USP5: variants seen among roughly 807,000 people sequenced by gnomAD.
USP5 encodes ubiquitin carboxyl-terminal hydrolase 5.
A neutral mutation model predicts 102.5 loss-of-function variants in USP5; 24 were observed. The observed-to-expected ratio is 0.23, with a 90% CI of 0.17 to 0.33. The LOEUF is 0.33. Ranked by LOEUF, USP5 falls within the 10% of genes least tolerant of loss-of-function variation. USP5 has a pLI of 1.00. For synonymous variants in USP5, 460 were observed against 434.8 expected (o/e 1.06, Z -0.72); for missense variants, 753 against 1,122.1 (o/e 0.67, Z 4.70).
rs191689746 is a variant in USP5, at chr12:6,860,045, C to G, written c.1131-106C>G. ...TTCCTGTAGAATCTAAGGTTTTTCA[C>G]GTTGTTGAGAGTTAGCTAGGGAGAG... is the stretch of plus-strand genomic sequence containing the variant. On this transcript the variant is annotated intron_variant, in intron 9 of 19. Transcript: ENST00000229268. The surrounding 1 kb of genome is among the most constrained non-coding windows in gnomAD (Gnocchi z 5.5). 8.2e-7 allele frequency: 1 copy of G among 1,226,596 alleles called. No individual in the cohort carries two copies. Among genetic ancestry groups the G allele is most frequent in the Non-Finnish European group, 1.2e-6 (1 of 856,802 alleles). The allele number at this position is 1,226,596 out of a possible 1,614,324, so 76.0% of individuals were successfully genotyped here.
Position 6,858,483 on chromosome 12 carries a change from G to A in USP5, c.924G>A (p.Glu308=). Residue 308 remains glutamate, a synonymous_variant, in exon 8 of 20, where the codon GAG becomes GAA. Transcript: ENST00000229268. This position sits in a 1 kb window ranked among gnomAD's most constrained non-coding sequence, Gnocchi z 4.2. ...TGAACCAGCGGATTGGTGAATGGGA[G>A]CTGATCCAGGAGTCAGGTGTGCCAC... The part of the protein sequence containing the change: ...IDMNQRIGEW[E]LIQESGVPLK... 6.2e-7 allele frequency: 1 copy of A among 1,613,340 alleles called. No individual in the cohort carries two copies. Among genetic ancestry groups the A allele is most frequent in the Non-Finnish European group, 8.5e-7 (1 of 1,179,294 alleles).
Position 6,861,428 on chromosome 12 carries a change from C to T in USP5, c.1499-15C>T. 1 of 1,553,894 alleles carries T rather than the reference C, an allele frequency of 6.4e-7. No homozygotes were observed. The highest frequency in any genetic ancestry group is 8.7e-7 in the Non-Finnish European group (1 of 1,143,518). ...AGCACCCTCCGAAGGATCCACCAACCCATTCTGTCACCAGAGGAGCTTCTG... is the reference window on the plus strand; with the variant it reads ...AGCACCCTCCGAAGGATCCACCAACTCATTCTGTCACCAGAGGAGCTTCTG... On this transcript the variant is annotated splice_polypyrimidine_tract_variant and intron_variant, in intron 12 of 19. Coordinates refer to ENST00000229268, the MANE Select transcript of USP5 (RefSeq NM_001098536.2). The surrounding 1 kb of genome is among the most constrained non-coding windows in gnomAD (Gnocchi z 4.9).
At position 6,855,805 on chromosome 12, in the gene USP5, C is replaced by T. The variant is rs1555128067; in HGVS notation, c.288C>T (p.Pro96=). Residue 96 remains proline (P), a synonymous_variant, in exon 3 of 20, where the codon CCC becomes CCT. Coordinates refer to ENST00000229268, the MANE Select transcript of USP5 (RefSeq NM_001098536.2). The surrounding 1 kb of genome is among the most constrained non-coding windows in gnomAD (Gnocchi z 4.6). The part of the protein sequence containing the change: ...TGTGDPPRKK[P]TRLAIGVEGG... ...CTGGAGACCCACCCCGGAAGAAGCC[C>T]ACGCGGCTGGCTATTGGTGAGCACC... The T allele has an allele frequency of 6.2e-7, 1 of 1,614,234 alleles. No homozygotes were observed. The highest frequency in any genetic ancestry group is 8.5e-7 in the Non-Finnish European group (1 of 1,180,032).
chr12:6,854,451 G>A (rs1944049245), intron 1 of USP5, among the ~76,000 whole-genome samples: 1 of 152,184 alleles, frequency 6.6e-6, no homozygotes, highest in Non-Finnish European at 1.5e-5. Flanking sequence ...CTGGTAGAAT[G>A]TGGTAAAAGA....
Position 6,857,667 on chromosome 12 carries a change from C to A in USP5, c.808C>A (p.Pro270Thr), listed in dbSNP as rs1051687346. The change falls in exon 7 of 20, where the codon CCC (proline) becomes ACC (threonine). Residue 270 changes from proline (P) to threonine (T), a missense_variant. This residue lies in a region of USP5 where 527 missense variants were observed against 816.5 expected (regional missense o/e 0.65). Transcript: ENST00000229268. ...SYDEDDMVLD[P>T]SLAEHLSHFG... ...TGATGAGGATGACATGGTCCTGGAC[C>A]CCAGCCTGGCTGAGCACCTGTCCCA... The A allele has an allele frequency of 3.7e-6, 6 of 1,613,826 alleles. No homozygotes were observed. In the Admixed American group the frequency reaches 1.0e-4, roughly 27 times the overall value.
Position 6,861,446 on chromosome 12 carries a change from A to G in USP5, c.1502A>G (p.Glu501Gly). ...CACCAACCCATTCTGTCACCAGAGG[A>G]GCTTCTGGAGTACGAGGAGAAGAAG... ...VPMDAALNKE[E>G]LLEYEEKKRQ... Residue 501 changes from glutamate to glycine, a missense_variant, in exon 13 of 20, where the codon GAG (glutamate) becomes GGG (glycine). Glu to Gly is a moderately conservative substitution (Grantham distance 98). Around this residue, in one of 3 missense-constraint regions of USP5, gnomAD observed 527 missense variants for 816.5 expected, o/e 0.65. Coordinates refer to ENST00000229268, the MANE Select transcript of USP5 (RefSeq NM_001098536.2). The surrounding 1 kb of genome is among the most constrained non-coding windows in gnomAD (Gnocchi z 4.9). 1 of 1,569,018 alleles carries G rather than the reference A, an allele frequency of 6.4e-7. No homozygotes were observed. The highest frequency in any genetic ancestry group is 8.7e-7 in the Non-Finnish European group (1 of 1,150,510).
chr12:6,861,508 C>A lies in USP5; in HGVS notation c.1564C>A (p.Leu522Met). 1 of 1,601,328 alleles carries A rather than the reference C, an allele frequency of 6.2e-7. No homozygotes were observed. Among genetic ancestry groups the A allele is most frequent in the Non-Finnish European group, 8.5e-7 (1 of 1,169,802 alleles). Residue 522 changes from leucine to methionine, a missense_variant, in exon 13 of 20, where the codon CTG becomes ATG. Physicochemically the swap from Leu to Met is conservative, Grantham distance 15. This residue lies in a region of USP5 where 527 missense variants were observed against 816.5 expected (regional missense o/e 0.65). Coordinates refer to ENST00000229268, the MANE Select transcript of USP5 (RefSeq NM_001098536.2). The surrounding 1 kb of genome is among the most constrained non-coding windows in gnomAD (Gnocchi z 4.9). ...AGAGGAGAAGATGGCACTGCCAGAACTGGTTCGGGCCCAGGTGCCCTTCAG... is the reference window on the plus strand; with the variant it reads ...AGAGGAGAAGATGGCACTGCCAGAAATGGTTCGGGCCCAGGTGCCCTTCAG... Reference protein sequence around the residue: ...AEEEKMALPELVRAQVPFSSC... With the variant: ...AEEEKMALPEMVRAQVPFSSC...
Position 6,864,172 on chromosome 12 carries a change from G to C in USP5, c.2221G>C (p.Ala741Pro). ...IVSMGFSRDQ[A>P]LKALRATNNS... Reference sequence around the variant, plus strand: ...CTCCATGGGCTTCTCCCGGGACCAGGCCTTGAAAGCGCTGCGGGCCACGGT... The same window carrying C: ...CTCCATGGGCTTCTCCCGGGACCAGCCCTTGAAAGCGCTGCGGGCCACGGT... Residue 741 changes from alanine to proline, a missense_variant, in exon 17 of 20, where the codon GCC becomes CCC. Coordinates refer to ENST00000229268, the MANE Select transcript of USP5 (RefSeq NM_001098536.2). The surrounding 1 kb of genome is among the most constrained non-coding windows in gnomAD (Gnocchi z 4.8). 1.2e-6 allele frequency: 2 copies of C among 1,611,908 alleles called. No individual in the cohort carries two copies. Among genetic ancestry groups the C allele is most frequent in the Non-Finnish European group, 1.7e-6 (2 of 1,178,804 alleles).
At chr12:6,859,621 C>A in intron 9 of USP5, 80 bp downstream of exon 9, 1 of 1,368,852 alleles carries the variant, frequency 7.3e-7, no homozygotes, top group Non-Finnish European at 1.0e-6. Flanking sequence ...GCCTGGGGGG[C>A]ACAGCACTTT....
Position 6,864,821 on chromosome 12 carries a change from G to A in USP5, c.2344G>A (p.Asp782Asn), listed in dbSNP as rs1176435678. The change falls in exon 18 of 20, where the codon GAC becomes AAC. Residue 782 changes from aspartate to asparagine, a missense_variant. Around this residue, in one of 3 missense-constraint regions of USP5, gnomAD observed 193 missense variants for 230.2 expected, o/e 0.84. Transcript: ENST00000229268. This position sits in a 1 kb window ranked among gnomAD's most constrained non-coding sequence, Gnocchi z 4.8. ...CATCTCAGAGGGCCGCTCAGCTGCC[G>A]ACTCCATCTCTGAGTCTGTGCCAGT... ...MDISEGRSAA[D>N]SISESVPVGP... is the part of the protein sequence containing the mutation. 5 of 1,613,930 alleles carry A rather than the reference G, an allele frequency of 3.1e-6. No homozygotes were observed. Among genetic ancestry groups the A allele is most frequent in the East Asian group, 4.5e-5 (2 of 44,882 alleles).
rs1012320625 is a variant in USP5, at chr12:6,856,598, G to T, written c.585-109G>T. 6 of 1,536,974 alleles carry T rather than the reference G, an allele frequency of 3.9e-6. No homozygotes were observed. Among genetic ancestry groups the T allele is most frequent in the Non-Finnish European group, 4.4e-6 (5 of 1,145,706 alleles). On this transcript the variant is annotated intron_variant, in intron 5 of 19. Transcript: ENST00000229268. The surrounding 1 kb of genome is among the most constrained non-coding windows in gnomAD (Gnocchi z 5.6). Reference sequence around the variant, plus strand: ...ACACGACATGGGGATGGCCAGAGGAGAAGAGAGAGAGACCTTGGATTGGCG... The same window carrying T: ...ACACGACATGGGGATGGCCAGAGGATAAGAGAGAGAGACCTTGGATTGGCG...
intron 1 of USP5, among the ~76,000 whole-genome samples, chr12:6,854,089 C>T (rs1386840092): frequency 6.6e-6 from 1 of 152,196 alleles, no homozygotes; most frequent in African/African-American, 2.4e-5. Context: ...ACTTGGTCAG[C>T]TTTGGGGGAA....
intron 9 of USP5, 47 bp downstream of exon 9, chr12:6,859,588 G>T (rs782417790): frequency 6.3e-7 from 1 of 1,585,340 alleles, no homozygotes; most frequent in Admixed American, 1.7e-5. Flanking sequence ...AGTCATGGCC[G>T]TATACCTTCC....
chr12:6,857,520 T>C (rs1324345109), intron 6 of USP5, 109 bp from the exon 7 acceptor site: 2 of 882,348 alleles, frequency 2.3e-6, no homozygotes, highest in Non-Finnish European at 3.6e-6. Flanking sequence ...GGGTGGACCT[T>C]ACTGGCTCTC....
At position 6,861,218 on chromosome 12, in the gene USP5, A is replaced by T. The variant is rs1944267579; in HGVS notation, c.1498+112A>T. ...AGGGAATGCCCTGCTTCACCAGCCA[A>T]GGTTCCAGTCTGGGCCACCAGGAGT... On this transcript the variant is annotated intron_variant, in intron 12 of 19. Coordinates refer to ENST00000229268, the MANE Select transcript of USP5 (RefSeq NM_001098536.2). The surrounding 1 kb of genome is among the most constrained non-coding windows in gnomAD (Gnocchi z 4.9). 1 of 1,525,644 alleles carries T rather than the reference A, an allele frequency of 6.6e-7. No homozygotes were observed. The highest frequency in any genetic ancestry group is 1.2e-5 in the South Asian group (1 of 81,358). 94.5% of individuals were successfully genotyped at this position (1,525,644 alleles called of 1,614,324 possible).
chr12:6,862,893 T>G (rs1202280019), intron 14 of USP5, among the ~76,000 whole-genome samples: 2 of 152,250 alleles, frequency 1.3e-5, no homozygotes, highest in African/African-American at 4.8e-5. Context: ...ACCTTCATTT[T>G]CTAGATAAGG....
chr12:6,852,879 C>T (rs1163005766), intron 1 of USP5, among the ~76,000 whole-genome samples: 2 of 152,180 alleles, frequency 1.3e-5, no homozygotes, highest in Non-Finnish European at 2.9e-5. Context: ...GTCGTTTCTC[C>T]TTTGAAGTGA....
Position 6,865,165 on chromosome 12 carries a change from G to C in USP5, c.2400G>C (p.Lys800Asn). The C allele has an allele frequency of 4.3e-6, 7 of 1,612,792 alleles. No individual in the cohort carries two copies. Among genetic ancestry groups the C allele is most frequent in the Non-Finnish European group, 5.9e-6 (7 of 1,178,850 alleles). ...VGPKVRDGPG[K>N]YQLFAFISHM... ...CTGACCCCCTCTCTCCTTTCCTAGA[G>C]TATCAGCTCTTTGCCTTCATTAGTC... The change falls in exon 19 of 20, where the codon AAG (lysine) becomes AAC (asparagine). Residue 800 changes from lysine (K) to asparagine (N), a missense_variant and splice_region_variant. Lys to Asn is a moderately conservative substitution (Grantham distance 94, BLOSUM62 0). This residue lies in a region of USP5 where 33 missense variants were observed against 75.3 expected (regional missense o/e 0.44). Coordinates refer to ENST00000229268, the MANE Select transcript of USP5 (RefSeq NM_001098536.2).
Position 6,858,758 on chromosome 12 carries a change from C to T in USP5, c.1058+141C>T, listed in dbSNP as rs1555128907. 1.3e-6 allele frequency: 1 copy of T among 758,136 alleles called. No homozygotes were observed. The allele number at this position is 758,136 out of a possible 1,614,324, so 47.0% of individuals were successfully genotyped here. Reference sequence around the variant, plus strand: ...TATCGGCTGGGTGTGTTGGCCCACACCCGTAATCCCAGTACTTCGGGAGGC... The same window carrying T: ...TATCGGCTGGGTGTGTTGGCCCACATCCGTAATCCCAGTACTTCGGGAGGC... On this transcript the variant is annotated intron_variant, in intron 8 of 19. Transcript: ENST00000229268. This position sits in a 1 kb window ranked among gnomAD's most constrained non-coding sequence, Gnocchi z 4.2.
Sources: allele counts gnomAD v4.1 joint callset (sites outside exome capture counted in the v4.1 genomes callset), GRCh38; gene constraint gnomAD v4.1.1; regional missense constraint gnomAD v4.1.1; non-coding constraint Gnocchi (gnomAD v3.1); transcripts MANE v1.5; gene names NCBI Gene and HGNC (gene_info 2026-07-23, HGNC 2026-07-21).